ARID3B: variants seen among roughly 807,000 people sequenced by gnomAD.
ARID3B encodes AT-rich interaction domain 3B.
A neutral mutation model predicts 51.9 loss-of-function variants in ARID3B; 10 were observed. The observed-to-expected ratio is 0.19, with a 90% CI of 0.12 to 0.33. The LOEUF (loss-of-function observed/expected upper bound fraction) is 0.33. Among genes scored for constraint, ARID3B ranks in the 10% least tolerant of loss-of-function variants. The pLI, the probability that ARID3B is intolerant of heterozygous loss-of-function variation, is 1.00. For missense variants in ARID3B, 483 were observed against 716.3 expected (o/e 0.67, Z 3.72); for synonymous variants, 205 against 279.5 (o/e 0.73, Z 2.66).
chr15:74,545,173 G>A (rs2141371981), intron 2 of ARID3B, among the ~76,000 whole-genome samples: 1 of 152,338 alleles, frequency 6.6e-6, no homozygotes, highest in African/African-American at 2.4e-5. Flanking sequence ...GAAAGTTCTT[G>A]CCTAAGACAG....
At chr15:74,570,651 A>G (rs146419413) in intron 2 of ARID3B, among the ~76,000 whole-genome samples, 10 of 152,318 alleles carry the variant, frequency 6.6e-5, no homozygotes, top group African/African-American at 2.4e-4. Context: ...ATGTCTTTCA[A>G]CTGATAGGGG....
rs190911849 is a variant in ARID3B, at chr15:74,565,936, T to C, written c.553-6926T>C. ...GTCACCCCACCTCACTAGGCAGTGG[T>C]CTGTTTTCATTAGTGCTTAAAGGCT... On this transcript the variant is annotated intron_variant, in intron 2 of 8. Coordinates refer to ENST00000346246, the MANE Select transcript of ARID3B (RefSeq NM_006465.4). Among the ~76,000 whole-genome samples the C allele has an allele frequency of 4.6e-5, 7 of 152,248 alleles. No homozygotes were observed. The East Asian group carries it at 1.4e-3, about 29-fold the overall frequency.
rs574173186 is a variant in ARID3B at position 74,543,948 on chromosome 15, TCAG to T, written c.36_38del (p.Gln15del). The T allele has an allele frequency of 2.2e-4, 347 of 1,600,172 alleles. No homozygotes were observed. Among genetic ancestry groups the T allele is most frequent in the Admixed American group, 5.1e-4 (30 of 58,480 alleles). On this transcript the variant is annotated inframe_deletion, in exon 2 of 9. Transcript: ENST00000346246. ...AGCTTGAGGCAAAAATGGAGCCACT[TCAG>T]CAGCAGCAGCAGCAGCAGCAGCAAC...
At chr15:74,595,562 C>A in intron 8 of ARID3B, 49 bp from the exon 9 acceptor site, 6 of 1,586,234 alleles carry the variant, frequency 3.8e-6, no homozygotes, top group Non-Finnish European at 5.2e-6. Context: ...AGCTGGCCCT[C>A]CCCTTCGCTC....
chr15:74,568,292 AG>A (rs1342350243), intron 2 of ARID3B, among the ~76,000 whole-genome samples: 1 of 152,196 alleles, frequency 6.6e-6, no homozygotes, highest in African/African-American at 2.4e-5. Context: ...CTCTGGACAG[AG>A]GATTTTATTC....
intron 2 of ARID3B, among the ~76,000 whole-genome samples, chr15:74,566,400 G>A (rs938538693): frequency 3.4e-4 from 52 of 152,144 alleles, no homozygotes; most frequent in Non-Finnish European, 6.3e-4. Flanking sequence ...AGGAGTTTGA[G>A]ACCAGCCTGG....
In ARID3B at chr15:74,591,793, A is replaced by G; in HGVS notation, c.1399A>G (p.Lys467Glu). 6.2e-7 allele frequency: 1 copy of G among 1,613,938 alleles called. No individual in the cohort carries two copies. Among genetic ancestry groups the G allele is most frequent in the Non-Finnish European group, 8.5e-7 (1 of 1,179,888 alleles). ...CAGCATGGCACGGCAGCTCCCCATG[A>G]AGATCAGGATCAACGGCAGGGGTGA... Reference protein sequence around the residue: ...FFSMARQLPMKIRINGREDRA... With the variant: ...FFSMARQLPMEIRINGREDRA... Residue 467 changes from lysine (K) to glutamate (E), a missense_variant, in exon 7 of 9, where the codon AAG (lysine) becomes GAG (glutamate). Around this residue, in one of 3 missense-constraint regions of ARID3B, gnomAD observed 265 missense variants for 354.4 expected, o/e 0.75. Transcript: ENST00000346246. This position sits in a 1 kb window ranked among gnomAD's most constrained non-coding sequence, Gnocchi z 5.8.
intron 4 of ARID3B, among the ~76,000 whole-genome samples, chr15:74,576,442 G>C (rs2061737873): frequency 6.6e-6 from 1 of 152,158 alleles, no homozygotes; most frequent in South Asian, 2.1e-4. Context: ...GGGAGGCTGA[G>C]GTGGGAGGCT....
chr15:74,549,931 T>C (rs1004812660), intron 2 of ARID3B, among the ~76,000 whole-genome samples: 4 of 152,230 alleles, frequency 2.6e-5, no homozygotes, highest in African/African-American at 9.6e-5. Context: ...CAAAGAGTTA[T>C]CTGGTCCAAA....
At position 74,580,339 on chromosome 15, in the gene ARID3B, G is replaced by A. The variant is rs563313530; in HGVS notation, c.697+7135G>A. Among the ~76,000 whole-genome samples the A allele has an allele frequency of 3.0e-4, 45 of 152,114 alleles. 2 individuals carry two copies. The South Asian group carries it at 8.7e-3, about 29-fold the overall frequency. On this transcript the variant is annotated intron_variant, in intron 4 of 8. Coordinates refer to ENST00000346246, the MANE Select transcript of ARID3B (RefSeq NM_006465.4). ...TTAGTCTTTCAGTGCCCAAGGGGAGGGACTAATTTCTAAGTCTAATAAGCA... is the reference window on the plus strand; with the variant it reads ...TTAGTCTTTCAGTGCCCAAGGGGAGAGACTAATTTCTAAGTCTAATAAGCA...
rs2061597275 is a variant in ARID3B, at chr15:74,542,016, C to T, written c.-78+686C>T. Reference sequence around the variant, plus strand: ...GTATTGAGTTGTAGAACTGAGTCATCTCAGTCTTACTATAAGAGGCTGTGG... The same window carrying T: ...GTATTGAGTTGTAGAACTGAGTCATTTCAGTCTTACTATAAGAGGCTGTGG... On this transcript the variant is annotated intron_variant, in intron 1 of 8. Coordinates refer to ENST00000346246, the MANE Select transcript of ARID3B (RefSeq NM_006465.4). 3.9e-5 allele frequency among the ~76,000 whole-genome samples: 6 copies of T among 152,258 alleles called. No homozygotes were observed. In the South Asian group the frequency reaches 1.2e-3, roughly 32 times the overall value.
intron 2 of ARID3B, among the ~76,000 whole-genome samples, chr15:74,570,462 C>CAAAAAAAGAAAAA (rs2061715085): frequency 1.5e-5 from 1 of 64,592 alleles, no homozygotes; most frequent in Non-Finnish European, 3.3e-5. Flanking sequence ...CTATAATTAG[C>CAAAAAAAGAAAAA]AAAAAAAAAA....
chr15:74,546,896 C>T (rs536114294), intron 2 of ARID3B, among the ~76,000 whole-genome samples: 29 of 152,046 alleles, frequency 1.9e-4, no homozygotes, highest in Non-Finnish European at 3.7e-4. Flanking sequence ...TCTGTGCTCT[C>T]CTTTTCTATA....
At chr15:74,579,828 C>CGTGTGTGTGTGTGTGT (rs374538596) in intron 4 of ARID3B, among the ~76,000 whole-genome samples, 29 of 137,762 alleles carry the variant, frequency 2.1e-4, no homozygotes, top group East Asian at 4.2e-4. Flanking sequence ...CACCTGTTGC[C>CGTGTGTGTGTGTGTGT]GTGTGTGTGT....
intron 4 of ARID3B, 187 bp downstream of exon 4, chr15:74,573,391 T>C: frequency 1.6e-6 from 1 of 629,942 alleles, no homozygotes; most frequent in Non-Finnish European, 2.8e-6. Flanking sequence ...GAGAAGGTGT[T>C]GGCACAAAGT....
intron 5 of ARID3B, among the ~76,000 whole-genome samples, chr15:74,590,296 G>A (rs1410706261): frequency 2.6e-5 from 4 of 152,194 alleles, no homozygotes; most frequent in African/African-American, 7.2e-5. Context: ...AAGTCTCCAT[G>A]GTTAAATAAT....
intron 2 of ARID3B, among the ~76,000 whole-genome samples, chr15:74,572,597 A>T (rs1488628964): frequency 6.6e-6 from 1 of 152,096 alleles, no homozygotes; most frequent in African/African-American, 2.4e-5. Context: ...AATGACACCC[A>T]CGACACCTAC....
intron 4 of ARID3B, chr15:74,573,519 GACTTC>G: frequency 2.7e-6 from 1 of 365,514 alleles, no homozygotes; most frequent in Non-Finnish European, 5.1e-6. Context: ...AGCTACCCTG[GACTTC>G]ACTTAATCTA....
chr15:74,573,603 C>T (rs2061726974), intron 4 of ARID3B: 1 of 237,008 alleles, frequency 4.2e-6, no homozygotes, highest in Non-Finnish European at 8.3e-6. Context: ...AGAGGCCCCT[C>T]AGGATATTTT....
Sources: allele counts gnomAD v4.1 joint callset (sites outside exome capture counted in the v4.1 genomes callset), GRCh38; gene constraint gnomAD v4.1.1; regional missense constraint gnomAD v4.1.1; non-coding constraint Gnocchi (gnomAD v3.1); transcripts MANE v1.5; gene names NCBI Gene and HGNC (gene_info 2026-07-23, HGNC 2026-07-21).